The following CREB5 variants were observed in gnomAD, a reference collection of about 807,000 sequenced individuals.
CREB5 encodes cAMP responsive element binding protein 5.
A neutral mutation model predicts 57.1 loss-of-function variants in CREB5; 19 were observed. The ratio of observed to expected loss-of-function variants is 0.33; its 90% CI spans 0.23 to 0.49. CREB5 has a LOEUF of 0.49. Ranked by LOEUF, CREB5 falls within the 20% of genes least tolerant of loss-of-function variation. CREB5 has a pLI of 0.99. For synonymous variants in CREB5, 238 were observed against 238.3 expected, an observed-to-expected ratio of 1.00 and a Z score of 0.01; for missense variants, 579 against 671.6, an observed-to-expected ratio of 0.86 and a Z score of 1.52.
intron 5 of CREB5, among the ~76,000 whole-genome samples, chr7:28,610,919 G>A (rs533239242): frequency 2.2e-4 from 34 of 152,038 alleles, no homozygotes; most frequent in African/African-American, 8.2e-4. Flanking sequence ...GAGAGAGAGA[G>A]GGAGTCGTTT....
intron 1 of CREB5, among the ~76,000 whole-genome samples, chr7:28,484,633 T>C (rs1310734630): frequency 1.3e-5 from 2 of 152,224 alleles, no homozygotes; most frequent in Non-Finnish European, 2.9e-5. Flanking sequence ...TGCTAAAACA[T>C]ATTTGGTCCA....
chr7:28,336,432 A>ATG (rs1187953908), intron 1 of CREB5, among the ~76,000 whole-genome samples: 6 of 151,908 alleles, frequency 3.9e-5, no homozygotes, highest in African/African-American at 1.5e-4. Context: ...GGTAGGTTGT[A>ATG]TGTGTGTAGT....
chr7:28,663,018 G>A (rs1405905877), intron 5 of CREB5, among the ~76,000 whole-genome samples: 1 of 151,658 alleles, frequency 6.6e-6, no homozygotes, highest in African/African-American at 2.4e-5. Context: ...GGTGATGGGT[G>A]CCTGTAATCC....
At chr7:28,502,187 C>A (rs1792300883) in intron 3 of CREB5, among the ~76,000 whole-genome samples, 1 of 152,126 alleles carries the variant, frequency 6.6e-6, no homozygotes, top group Non-Finnish European at 1.5e-5. Flanking sequence ...ATAAAAGGCA[C>A]ATTTGTTGCA....
intron 1 of CREB5, among the ~76,000 whole-genome samples, chr7:28,464,778 A>G (rs1359849481): frequency 2.6e-5 from 4 of 151,868 alleles, no homozygotes; most frequent in Non-Finnish European, 4.4e-5. Context: ...TGACGCAGTT[A>G]TGCAGTTCTG....
chr7:28,560,849 T>TGCGTGCGC (rs1342485250), intron 4 of CREB5, among the ~76,000 whole-genome samples: 1 of 87,054 alleles, frequency 1.1e-5, no homozygotes, highest in Admixed American at 1.0e-4. Context: ...TGTGTGCGCG[T>TGCGTGCGC]GTGTGTGTGC....
chr7:28,428,631 G>T (rs1471019377), intron 1 of CREB5, among the ~76,000 whole-genome samples: 2 of 152,224 alleles, frequency 1.3e-5, no homozygotes, highest in East Asian at 1.9e-4. Context: ...GAAGACGGCA[G>T]GTAGAACAGG....
chr7:28,644,429 G>C (rs1798810941), intron 5 of CREB5, among the ~76,000 whole-genome samples: 1 of 152,096 alleles, frequency 6.6e-6, no homozygotes, highest in Non-Finnish European at 1.5e-5. Context: ...CATTTTGGGG[G>C]GCCAGACTTT....
At chr7:28,350,064 A>G (rs974872438) in intron 1 of CREB5, among the ~76,000 whole-genome samples, 35 of 152,354 alleles carry the variant, frequency 2.3e-4, no homozygotes, top group African/African-American at 7.5e-4. Flanking sequence ...AATTTACCTT[A>G]TGGATACAGG....
chr7:28,559,308 TTTTGTTTGTTTG>T (rs939584048), intron 4 of CREB5, among the ~76,000 whole-genome samples: 2 of 152,170 alleles, frequency 1.3e-5, no homozygotes, highest in Admixed American at 1.3e-4. Flanking sequence ...CATATAGGTT[TTTTGTTTGTTTG>T]TTTGTTTGTT....
At chr7:28,713,747 G>C (rs1312561844) in intron 5 of CREB5, among the ~76,000 whole-genome samples, 1 of 152,100 alleles carries the variant, frequency 6.6e-6, no homozygotes, top group African/African-American at 2.4e-5. Flanking sequence ...ATGCCTATAG[G>C]CTCATCTGTT....
intron 4 of CREB5, among the ~76,000 whole-genome samples, chr7:28,560,805 T>TGCGTGTGTGTGCGCGC (rs1299212365): frequency 5.5e-5 from 3 of 54,770 alleles, no homozygotes; most frequent in African/African-American, 1.7e-4. Context: ...ACAGTGTGTG[T>TGCGTGTGTGTGCGCGC]GCGCGTGTGT....
At chr7:28,554,208 C>T (rs1176141460) in intron 4 of CREB5, among the ~76,000 whole-genome samples, 1 of 152,218 alleles carries the variant, frequency 6.6e-6, no homozygotes, top group Non-Finnish European at 1.5e-5. Context: ...AGATTCTAGT[C>T]CTACTCTTGC....
chr7:28,355,307 C>T (rs1192325928), intron 1 of CREB5, among the ~76,000 whole-genome samples: 3 of 152,272 alleles, frequency 2.0e-5, no homozygotes, highest in Middle Eastern at 3.4e-3. Flanking sequence ...TTCCTTCAGC[C>T]GTGGCTCAGT....
At chr7:28,716,096 C>T (rs1396114433) in intron 5 of CREB5, among the ~76,000 whole-genome samples, 5 of 152,118 alleles carry the variant, frequency 3.3e-5, no homozygotes, top group African/African-American at 1.2e-4. Context: ...TTTGCATCCC[C>T]ATTCGCGTAA....
chr7:28,499,501 G>A (rs1341737814), intron 3 of CREB5, among the ~76,000 whole-genome samples: 1 of 152,154 alleles, frequency 6.6e-6, no homozygotes, highest in African/African-American at 2.4e-5. Flanking sequence ...AGAGTGTTGT[G>A]GATCTTTCCC....
chr7:28,416,319 AGG>A (rs1788021249), intron 1 of CREB5, among the ~76,000 whole-genome samples: 1 of 152,214 alleles, frequency 6.6e-6, no homozygotes, highest in African/African-American at 2.4e-5. Context: ...TGGCTTCCTA[AGG>A]GGGAAAAATA....
At chr7:28,571,432 C>T (rs1429845357) in intron 5 of CREB5, among the ~76,000 whole-genome samples, 1 of 152,118 alleles carries the variant, frequency 6.6e-6, no homozygotes, top group Admixed American at 6.6e-5. Flanking sequence ...CCTCTCCTTC[C>T]TCTACATTGG....
intron 5 of CREB5, among the ~76,000 whole-genome samples, chr7:28,655,922 G>A (rs1799315651): frequency 6.6e-6 from 1 of 152,058 alleles, no homozygotes; most frequent in Non-Finnish European, 1.5e-5. Context: ...AGGAATAACA[G>A]GATTTAATTA....
Sources: allele counts gnomAD v4.1 joint callset (sites outside exome capture counted in the v4.1 genomes callset), GRCh38; gene constraint gnomAD v4.1.1; transcripts MANE v1.5; gene names NCBI Gene and HGNC (gene_info 2026-07-23, HGNC 2026-07-21).